The following BAHCC1 variants were observed in gnomAD, a reference collection of about 807,000 sequenced individuals.
The protein encoded by BAHCC1 is BAH domain and coiled-coil containing 1, also known as BAH and coiled-coil domain-containing protein 1.
BAHCC1 carries 43 observed loss-of-function variants against 88.2 expected under a neutral mutation model. The observed-to-expected ratio is 0.49, with a 90% CI of 0.38 to 0.63. BAHCC1 has a LOEUF of 0.63. Among genes scored for constraint, BAHCC1 ranks in the 20% least tolerant of loss-of-function variants. BAHCC1 has a pLI of 0.00. For synonymous variants in BAHCC1, 1,510 were observed against 745.5 expected (o/e 2.03, Z -16.71); for missense variants, 3,023 against 1,654.8 (o/e 1.83, Z -14.34).
At chr17:81,459,360 G>A (rs782814048) in intron 22 of BAHCC1, 32 bp downstream of exon 22, 3 of 770,610 alleles carry the variant, frequency 3.9e-6, no homozygotes, top group South Asian at 2.7e-5. Flanking sequence ...CCCGGGGAGG[G>A]GCCTGGCTGG....
In BAHCC1 at chr17:81,441,984, C is replaced by T. The variant is rs1555652608; in HGVS notation, c.635C>T (p.Pro212Leu). 1 of 751,130 alleles carries T rather than the reference C, an allele frequency of 1.3e-6. No homozygotes were observed. 46.5% of individuals were successfully genotyped at this position (751,130 alleles called of 1,614,324 possible). A position where few individuals can be genotyped will look rare whatever the true frequency, so the allele number is the denominator to read the frequency against. Reference protein sequence around the residue: ...RGEAGSLQKGPKDFDRFLVGK... With the variant: ...RGEAGSLQKGLKDFDRFLVGK... ...GAGGCAGGCTCCCTGCAGAAGGGCC[C>T]CAAGGACTTCGACCGCTTCCTCGTG... The change falls in exon 5 of 28, where the codon CCC becomes CTC. Residue 212 changes from proline to leucine, a missense_variant. Pro to Leu is a moderately conservative substitution (Grantham distance 98). Transcript: ENST00000675386.
rs2063786524 is a variant in BAHCC1, at chr17:81,399,581, C to T, written c.-159C>T. 1 of 459,296 alleles carries T rather than the reference C, an allele frequency of 2.2e-6. No individual in the cohort carries two copies. The highest frequency in any genetic ancestry group is 1.7e-5 in the South Asian group (1 of 58,354). 28.5% of individuals were successfully genotyped at this position (459,296 alleles called of 1,614,324 possible). A position where few individuals can be genotyped will look rare whatever the true frequency, so the allele number is the denominator to read the frequency against. Reference sequence around the variant, plus strand: ...GCTGGCTCGGTGCGCGGCCGCCCGCCGAGAAGCCCAGTCCTCCCGCGTGCT... The same window carrying T: ...GCTGGCTCGGTGCGCGGCCGCCCGCTGAGAAGCCCAGTCCTCCCGCGTGCT... On this transcript the variant is annotated 5_prime_UTR_variant, in exon 2 of 28. Transcript: ENST00000675386. The surrounding 1 kb of genome is among the most constrained non-coding windows in gnomAD (Gnocchi z 4.5).
rs376337884 is a variant in BAHCC1, at chr17:81,435,483, C to T, written c.359-2887C>T. 2.5e-4 allele frequency: 118 copies of T among 470,958 alleles called. No individual in the cohort carries two copies. Among genetic ancestry groups the T allele is most frequent in the Middle Eastern group, 9.8e-4 (3 of 3,072 alleles). 29.2% of individuals were successfully genotyped at this position (470,958 alleles called of 1,614,324 possible). ...GCCTGTGTCCTGACCACCTCTCTGGCGGTTCGCTTAGCCCAGGGCTTGCCC... is the reference window on the plus strand; with the variant it reads ...GCCTGTGTCCTGACCACCTCTCTGGTGGTTCGCTTAGCCCAGGGCTTGCCC... On this transcript the variant is annotated intron_variant, in intron 3 of 27. Transcript: ENST00000675386. The surrounding 1 kb of genome is among the most constrained non-coding windows in gnomAD (Gnocchi z 4.4).
rs2064632221 is a variant in BAHCC1 at position 81,451,426 on chromosome 17, C to A, written c.3977-242C>A. ...CTGTCTTGCTCTGTGACACAGAGGA[C>A]CCTGCCCCGTGGGTCCTCCCAGCTG... On this transcript the variant is annotated intron_variant, in intron 11 of 27. Transcript: ENST00000675386. 3.3e-5 allele frequency among the ~76,000 whole-genome samples: 5 copies of A among 152,174 alleles called. No homozygotes were observed. In the South Asian group the frequency reaches 1.0e-3, roughly 31 times the overall value.
intron 12 of BAHCC1, 40 bp downstream of exon 12, chr17:81,451,910 G>A: frequency 1.5e-6 from 1 of 668,110 alleles, no homozygotes. Context: ...CCAGTGCGTT[G>A]CCACAGAGCC....
chr17:81,410,355 T>G (rs782654201), intron 2 of BAHCC1, among the ~76,000 whole-genome samples: 11 of 152,312 alleles, frequency 7.2e-5, no homozygotes, highest in Middle Eastern at 3.4e-3. Context: ...CTCTCCTCTG[T>G]GTCCATCGAG....
intron 2 of BAHCC1, among the ~76,000 whole-genome samples, chr17:81,400,338 C>T (rs1458239556): frequency 1.3e-5 from 2 of 151,914 alleles, no homozygotes; most frequent in African/African-American, 2.4e-5. Context: ...GGGGAGGGGA[C>T]CAGGGTACGC....
intron 10 of BAHCC1, among the ~76,000 whole-genome samples, chr17:81,445,895 C>T (rs1555654211): frequency 6.6e-6 from 1 of 152,262 alleles, no homozygotes; most frequent in East Asian, 1.9e-4. Flanking sequence ...CGCCCCCTTC[C>T]TGGCCGTGGG....
chr17:81,450,946 G>C (rs2064621710), intron 11 of BAHCC1, among the ~76,000 whole-genome samples: 1 of 152,186 alleles, frequency 6.6e-6, no homozygotes, highest in Admixed American at 6.5e-5. Context: ...CCCTCCCTCT[G>C]CACTGACCAC....
chr17:81,444,166 C>T, intron 6 of BAHCC1: 3 of 605,136 alleles, frequency 5.0e-6, no homozygotes, highest in Non-Finnish European at 8.8e-6. Flanking sequence ...CCAGTCAGCC[C>T]TGCAGAGCAC....
chr17:81,462,541 AGGC>A, intron 26 of BAHCC1, 196 bp from the exon 27 acceptor site: 1 of 574,314 alleles, frequency 1.7e-6, no homozygotes, highest in South Asian at 2.2e-5. Flanking sequence ...GGCTCCGTGG[AGGC>A]GTGGCCCCTG....
Position 81,455,379 on chromosome 17 carries a change from A to G in BAHCC1, c.4558A>G (p.Thr1520Ala). 1.4e-6 allele frequency: 1 copy of G among 716,258 alleles called. No individual in the cohort carries two copies. Among genetic ancestry groups the G allele is most frequent in the Non-Finnish European group, 2.6e-6 (1 of 384,902 alleles). 44.4% of individuals were successfully genotyped at this position (716,258 alleles called of 1,614,324 possible). The change falls in exon 15 of 28, where the codon ACT becomes GCT. Residue 1520 changes from threonine to alanine, a missense_variant. By Grantham distance (58) the Thr-to-Ala change is moderately conservative. Transcript: ENST00000675386. ...GAGGAGCGTCTATGCGGGCCTGCAG[A>G]CTGCCTCCGTGGTGAGTGCCGAGGC... Reference protein sequence around the residue: ...LERSVYAGLQTASVEKAQCKK... With the variant: ...LERSVYAGLQAASVEKAQCKK...
chr17:81,441,649 G>A (rs2064417723), intron 4 of BAHCC1, among the ~76,000 whole-genome samples, 182 bp from the exon 5 acceptor site: 1 of 143,338 alleles, frequency 7.0e-6, no homozygotes, highest in Admixed American at 7.5e-5. Context: ...GCGACAGAGG[G>A]CAGAGCGAGA....
intron 15 of BAHCC1, among the ~76,000 whole-genome samples, chr17:81,455,845 G>A (rs980134290): frequency 2.7e-4 from 41 of 152,262 alleles, no homozygotes; most frequent in African/African-American, 8.7e-4. Flanking sequence ...CTCGGCTGCC[G>A]ACACCCCTTC....
chr17:81,450,872 C>T (rs1555655614), intron 11 of BAHCC1, among the ~76,000 whole-genome samples: 1 of 152,196 alleles, frequency 6.6e-6, no homozygotes, highest in African/African-American at 2.4e-5. Flanking sequence ...GGAGCCACCA[C>T]ACTCCAGCCC....
At position 81,447,595 on chromosome 17, in the gene BAHCC1, G is replaced by A. The variant is rs1186179931; in HGVS notation, c.3723G>A (p.Glu1241=). ...GGCAGCAGAGCATGGAGGACTCAGA[G>A]GAGGACTGTGGCGGAGCTCCCGACA... ...ELGQQSMEDS[E]EDCGGAPDNS... is the part of the protein sequence containing the mutation. Residue 1241 remains glutamate (E), a synonymous_variant, in exon 11 of 28, where the codon GAG becomes GAA. Coordinates refer to ENST00000675386, the MANE Select transcript of BAHCC1 (RefSeq NM_001377448.1). The A allele has an allele frequency of 1.3e-6, 1 of 751,788 alleles. No individual in the cohort carries two copies. The highest frequency in any genetic ancestry group is 2.5e-6 in the Non-Finnish European group (1 of 404,604). The allele number at this position is 751,788 out of a possible 1,614,324, so 46.6% of individuals were successfully genotyped here. A position where few individuals can be genotyped will look rare whatever the true frequency, so the allele number is the denominator to read the frequency against.
intron 2 of BAHCC1, among the ~76,000 whole-genome samples, chr17:81,416,948 G>A (rs2064040241): frequency 6.6e-6 from 1 of 152,182 alleles, no homozygotes; most frequent in Admixed American, 6.5e-5. Flanking sequence ...TATGGCTGCT[G>A]TGCCCAGGGA....
intron 15 of BAHCC1, chr17:81,456,039 C>T (rs1404700268): frequency 9.8e-6 from 5 of 510,540 alleles, no homozygotes; most frequent in Non-Finnish European, 1.7e-5. Context: ...AGCCACTGGG[C>T]CCTCAGCCTC....
rs898898863 is a variant in BAHCC1, at chr17:81,458,074, G to C, written c.5042-91G>C. On this transcript the variant is annotated intron_variant, in intron 17 of 27. Transcript: ENST00000675386. ...ACCCGGGGGCGGGCAGGGGTTGCTA[G>C]GTAACCAGGAGGGAGGACCGGCACA... 7.4e-6 allele frequency: 5 copies of C among 677,204 alleles called. No homozygotes were observed. The African/African-American group carries it at 8.9e-5, about 12-fold the overall frequency. 41.9% of individuals were successfully genotyped at this position (677,204 alleles called of 1,614,324 possible). A position where few individuals can be genotyped will look rare whatever the true frequency, so the allele number is the denominator to read the frequency against.
Sources: gnomAD v4.1 joint callset for allele counts (sites outside exome capture counted in the v4.1 genomes callset) on GRCh38, gnomAD v4.1.1 for gene constraint, Gnocchi (gnomAD v3.1) non-coding constraint, MANE v1.5 for transcripts, NCBI Gene and HGNC (gene_info 2026-07-23, HGNC 2026-07-21) for gene names.